The following CCSER1 variants were observed in gnomAD, a reference collection of about 807,000 sequenced individuals.
CCSER1 encodes serine-rich coiled-coil domain-containing protein 1.
In CCSER1, 41 loss-of-function variants were observed where a neutral mutation model predicts 82.0. The observed-to-expected ratio is 0.50, with a 90% CI of 0.39 to 0.65. CCSER1 has a LOEUF of 0.65. CCSER1 is among the 30% of genes least tolerant of loss of function. The pLI is 0.00. For missense variants in CCSER1, 1,119 were observed against 1,064.2 expected (o/e 1.05, Z -0.72); for synonymous variants, 414 against 383.9 (o/e 1.08, Z -0.92).
At chr4:91,112,546 A>C (rs190318755) in intron 10 of CCSER1, 1 of 152,198 alleles carries the variant, frequency 6.6e-6, no homozygotes, top group Admixed American at 6.5e-5. Context: ...ATTTCATTTA[A>C]TGTATTACTA....
intron 1 of CCSER1, among the ~76,000 whole-genome samples, chr4:90,225,395 C>T (rs1021509131): frequency 3.3e-5 from 5 of 151,832 alleles, no homozygotes; most frequent in Non-Finnish European, 7.4e-5. Flanking sequence ...TTTCTGTTAC[C>T]TATTCTAAAG....
chr4:91,113,865 T>C (rs200272654), intron 10 of CCSER1, among the ~76,000 whole-genome samples: 3 of 146,892 alleles, frequency 2.0e-5, no homozygotes, highest in African/African-American at 7.5e-5. Context: ...TTTTTTTTTC[T>C]TTTTTGATAC....
intron 1 of CCSER1, among the ~76,000 whole-genome samples, chr4:90,178,208 T>C (rs1733064828): frequency 6.6e-6 from 1 of 152,120 alleles, no homozygotes; most frequent in Admixed American, 6.6e-5. Context: ...TATAATCAAA[T>C]GAATTTAGAG....
chr4:91,564,732 G>A (rs1283149984), intron 10 of CCSER1, among the ~76,000 whole-genome samples: 2 of 151,620 alleles, frequency 1.3e-5, no homozygotes, highest in African/African-American at 4.8e-5. Flanking sequence ...TAATGCTATT[G>A]TTTCTCTCTT....
intron 10 of CCSER1, among the ~76,000 whole-genome samples, chr4:91,234,289 T>C (rs1738837917): frequency 6.6e-6 from 1 of 152,058 alleles, no homozygotes; most frequent in Non-Finnish European, 1.5e-5. Context: ...AATCTTGCCA[T>C]TCAACATTTA....
At chr4:90,717,642 C>T (rs1741862756) in intron 6 of CCSER1, among the ~76,000 whole-genome samples, 1 of 151,914 alleles carries the variant, frequency 6.6e-6, no homozygotes, top group South Asian at 2.1e-4. Context: ...GTCCAGGCCT[C>T]TTGGCTTCTT....
intron 7 of CCSER1, chr4:90,780,680 G>A (rs1170882633): frequency 1.5e-6 from 2 of 1,326,858 alleles, no homozygotes; most frequent in African/African-American, 3.0e-5. Context: ...AACTAAGGAG[G>A]CTCTGTAAGC....
At position 90,824,608 on chromosome 4, in the gene CCSER1, G is replaced by A. The variant is rs542082001; in HGVS notation, c.2094+8763G>A. On this transcript the variant is annotated intron_variant, in intron 8 of 10. Coordinates refer to ENST00000509176, the MANE Select transcript of CCSER1 (RefSeq NM_001145065.2). The stretch of plus-strand genomic sequence containing the variant: ...TAACAGAATAATTCCTGCATGATAA[G>A]AGAAACATTCTTTGTGCATGAAAAT... Among the ~76,000 whole-genome samples the A allele has an allele frequency of 2.0e-5, 3 of 152,172 alleles. No homozygotes were observed. In the South Asian group the frequency reaches 6.2e-4, roughly 32 times the overall value.
chr4:90,789,501 T>C (rs1249390101), intron 7 of CCSER1, among the ~76,000 whole-genome samples: 2 of 152,186 alleles, frequency 1.3e-5, no homozygotes, highest in Non-Finnish European at 2.9e-5. Context: ...TGTCTACTGA[T>C]ATGGTTTGGC....
chr4:91,107,747 C>T (rs533471747), intron 10 of CCSER1, among the ~76,000 whole-genome samples: 6 of 150,846 alleles, frequency 4.0e-5, no homozygotes, highest in Non-Finnish European at 8.8e-5. Flanking sequence ...AGAAGATTCT[C>T]ATGATCTGGA....
At chr4:90,591,428 GA>G (rs1362866052) in intron 5 of CCSER1, among the ~76,000 whole-genome samples, 1 of 151,908 alleles carries the variant, frequency 6.6e-6, no homozygotes, top group Non-Finnish European at 1.5e-5. Context: ...GCAAACATAT[GA>G]AAAAAAGCTC....
chr4:90,616,742 T>C (rs894989635), intron 5 of CCSER1, among the ~76,000 whole-genome samples: 7 of 58,588 alleles, frequency 1.2e-4, no homozygotes, highest in African/African-American at 4.4e-4. Flanking sequence ...CACACACAAA[T>C]AAAATAAAAT....
chr4:91,385,134 T>G (rs1361877428), intron 10 of CCSER1, among the ~76,000 whole-genome samples: 1 of 152,030 alleles, frequency 6.6e-6, no homozygotes, highest in Non-Finnish European at 1.5e-5. Context: ...AGGTTATTCA[T>G]TGAAAAATGA....
intron 5 of CCSER1, among the ~76,000 whole-genome samples, chr4:90,488,427 A>G (rs1026868612): frequency 2.0e-5 from 3 of 152,080 alleles, no homozygotes; most frequent in African/African-American, 7.2e-5. Flanking sequence ...ACCTCAGGTG[A>G]TCCGCCCCAC....
rs2148977794 is a variant in CCSER1 at position 91,161,550 on chromosome 4, C to T, written c.2217+75556C>T. 2.6e-5 allele frequency among the ~76,000 whole-genome samples: 4 copies of T among 152,236 alleles called. No homozygotes were observed. In the South Asian group the frequency reaches 8.3e-4, roughly 32 times the overall value. On this transcript the variant is annotated intron_variant, in intron 10 of 10. Transcript: ENST00000509176. ...CTGTACATGAGCATGGAATATTCTT[C>T]CATTTGTTTGTGTCCTCTTTTATTT...
intron 10 of CCSER1, among the ~76,000 whole-genome samples, chr4:91,578,410 A>G (rs144429787): frequency 2.6e-4 from 40 of 152,090 alleles, no homozygotes; most frequent in African/African-American, 9.6e-4. Context: ...TAATAAATGT[A>G]TCAGATTGCT....
At chr4:90,893,790 TGTGGGG>T (rs1723300339) in intron 8 of CCSER1, among the ~76,000 whole-genome samples, 1 of 127,024 alleles carries the variant, frequency 7.9e-6, no homozygotes, top group South Asian at 2.3e-4. Context: ...TGTGTGTGTG[TGTGGGG>T]GGTGAATTTT....
At chr4:90,220,535 A>G (rs967349445) in intron 1 of CCSER1, among the ~76,000 whole-genome samples, 2 of 152,122 alleles carry the variant, frequency 1.3e-5, no homozygotes, top group Admixed American at 6.6e-5. Context: ...ACAACATAAC[A>G]AAACAGAAAT....
At chr4:90,806,527 TC>T (rs1238963539) in intron 7 of CCSER1, among the ~76,000 whole-genome samples, 2 of 152,196 alleles carry the variant, frequency 1.3e-5, no homozygotes, top group Non-Finnish European at 2.9e-5. Flanking sequence ...ATAGGCCAAA[TC>T]TCAGATCCCA....
Sources: gnomAD v4.1 joint callset for allele counts (sites outside exome capture counted in the v4.1 genomes callset) on GRCh38, gnomAD v4.1.1 for gene constraint, MANE v1.5 for transcripts, NCBI Gene and HGNC (gene_info 2026-07-23, HGNC 2026-07-21) for gene names.